ANO1: variants seen among roughly 807,000 people sequenced by gnomAD.
ANO1 encodes anoctamin 1.
ANO1 carries 59 observed loss-of-function variants against 124.0 expected under a neutral mutation model. The ratio of observed to expected loss-of-function variants is 0.48; its 90% CI spans 0.39 to 0.59. The LOEUF (loss-of-function observed/expected upper bound fraction) is 0.59, where lower values mean the gene tolerates loss of function less well. ANO1 is among the 20% of genes least tolerant of loss of function. ANO1 has a pLI of 0.00. For missense variants in ANO1, 1,059 were observed against 1,328.0 expected (o/e 0.80, Z 3.15); for synonymous variants, 529 against 532.0 (o/e 0.99, Z 0.08).
chr11:70,044,029 G>A (rs1438044981), intron 1 of ANO1, among the ~76,000 whole-genome samples: 6 of 151,662 alleles, frequency 4.0e-5, no homozygotes, highest in Non-Finnish European at 7.4e-5. Flanking sequence ...GAAATAAAAT[G>A]TAATAGGACA....
intron 2 of ANO1, among the ~76,000 whole-genome samples, chr11:70,099,098 C>T (rs748021414): frequency 3.3e-5 from 5 of 152,130 alleles, no homozygotes; most frequent in Non-Finnish European, 5.9e-5. Flanking sequence ...ACCACCCCCA[C>T]GGCCGTGGCT....
chr11:70,134,406 G>T (rs79503773), intron 11 of ANO1, among the ~76,000 whole-genome samples: 1 of 152,138 alleles, frequency 6.6e-6, no homozygotes, highest in Non-Finnish European at 1.5e-5. Flanking sequence ...TAGCGCCCCC[G>T]GGGCTCAGAC....
At chr11:70,007,850 A>T (rs1304474412) in intron 1 of ANO1, among the ~76,000 whole-genome samples, 1 of 152,170 alleles carries the variant, frequency 6.6e-6, no homozygotes, top group African/African-American at 2.4e-5. Context: ...ATTACTTTAC[A>T]TTCCCACCTC....
rs142149311 is a variant in ANO1 at position 70,105,631 on chromosome 11, G to A, written c.693-103G>A. ...GCGGACAGAGTTCTGTCCATTTCAC[G>A]GTCACGGCTAATGGGGACAGTGTGG... On this transcript the variant is annotated intron_variant, in intron 4 of 25. Coordinates refer to ENST00000355303, the MANE Select transcript of ANO1 (RefSeq NM_018043.7). The A allele has an allele frequency of 4.0e-3, 4,334 of 1,085,360 alleles. 28 individuals are homozygous for A. The highest frequency in any genetic ancestry group is 4.7e-3 in the Non-Finnish European group (3,330 of 709,624). The allele number at this position is 1,085,360 out of a possible 1,614,324, so 67.2% of individuals were successfully genotyped here.
intron 2 of ANO1, among the ~76,000 whole-genome samples, chr11:70,101,353 C>T (rs778876348): frequency 5.3e-5 from 8 of 151,644 alleles, no homozygotes; most frequent in Non-Finnish European, 8.8e-5. Flanking sequence ...GTCAGGAGTT[C>T]CAGACCAGCC....
At chr11:70,030,924 A>T (rs373137116) in intron 1 of ANO1, among the ~76,000 whole-genome samples, 2 of 152,086 alleles carry the variant, frequency 1.3e-5, no homozygotes, top group Non-Finnish European at 2.9e-5. Flanking sequence ...ACGAGGTTCA[A>T]TGTGATGTGG....
At chr11:70,070,696 A>G (rs1439130493) in intron 1 of ANO1, among the ~76,000 whole-genome samples, 1 of 152,208 alleles carries the variant, frequency 6.6e-6, no homozygotes, top group Non-Finnish European at 1.5e-5. Flanking sequence ...TTGTGAGTGC[A>G]TGGTGAGTGG....
At chr11:70,165,716 AAGGTGG>A in intron 20 of ANO1, 146 bp downstream of exon 20, 1 of 692,654 alleles carries the variant, frequency 1.4e-6, no homozygotes. Flanking sequence ...ACACAGAGGG[AAGGTGG>A]GGCAAAAGCC....
chr11:70,060,322 G>A (rs1348582401), intron 1 of ANO1, among the ~76,000 whole-genome samples: 5 of 152,200 alleles, frequency 3.3e-5, no homozygotes, highest in African/African-American at 4.8e-5. Flanking sequence ...TGTGGGACAC[G>A]ACAGCATATC....
At chr11:70,114,040 A>G (rs1263055050) in intron 7 of ANO1, among the ~76,000 whole-genome samples, 2 of 152,350 alleles carry the variant, frequency 1.3e-5, no homozygotes, top group East Asian at 3.9e-4. Context: ...TGACTGGCGC[A>G]AAACTCCCTC....
chr11:70,116,467 A>G lies in ANO1; in HGVS notation c.865A>G (p.Asn289Asp), dbSNP rs750332523. Residue 289 changes from asparagine to aspartate, a missense_variant, in exon 8 of 26, where the codon AAC becomes GAC. Asn to Asp is a conservative substitution (Grantham distance 23, BLOSUM62 1). Transcript: ENST00000355303. ...AAYPLHDGDY[N>D]GENVEFNDRK... Reference sequence around the variant, plus strand: ...CCTCTTTTTTTAACAGGGAGACTACAACGGTGAAAACGTCGAGTTCAACGA... The same window carrying G: ...CCTCTTTTTTTAACAGGGAGACTACGACGGTGAAAACGTCGAGTTCAACGA... The G allele has an allele frequency of 3.8e-5, 61 of 1,599,088 alleles. No homozygotes were observed. In the Admixed American group the frequency reaches 1.1e-3, roughly 28 times the overall value.
intron 21 of ANO1, among the ~76,000 whole-genome samples, chr11:70,168,717 G>A (rs1473038444): frequency 1.3e-5 from 2 of 152,182 alleles, no homozygotes; most frequent in Admixed American, 6.5e-5. Flanking sequence ...CTGGTCTGCT[G>A]GAGGTGAGAC....
chr11:70,024,989 G>A (rs1856866875), intron 1 of ANO1, among the ~76,000 whole-genome samples: 1 of 152,232 alleles, frequency 6.6e-6, no homozygotes, highest in South Asian at 2.1e-4. Context: ...GTGCTGAAAT[G>A]CTGGGCTCCA....
Position 70,078,412 on chromosome 11 carries a change from T to G in ANO1, c.-195T>G. On this transcript the variant is annotated 5_prime_UTR_variant, in exon 1 of 26. Coordinates refer to ENST00000355303, the MANE Select transcript of ANO1 (RefSeq NM_018043.7). ...CCGAGAGGCTCAGGCGCCCCCCGCA[T>G]CGAGCGCGCGGGCCGGGCGGGCCAG... 6.7e-6 allele frequency: 1 copy of G among 149,502 alleles called. No homozygotes were observed. The highest frequency in any genetic ancestry group is 1.4e-5 in the Non-Finnish European group (1 of 69,044). 9.3% of individuals were successfully genotyped at this position (149,502 alleles called of 1,614,324 possible). A position where few individuals can be genotyped will look rare whatever the true frequency, so the allele number is the denominator to read the frequency against.
intron 8 of ANO1, among the ~76,000 whole-genome samples, chr11:70,120,249 T>A (rs915624605): frequency 1.3e-5 from 2 of 151,198 alleles, no homozygotes; most frequent in African/African-American, 4.9e-5. Context: ...GCCATCACTC[T>A]TGGCCTGATC....
intron 1 of ANO1, among the ~76,000 whole-genome samples, chr11:69,991,772 G>C: frequency 6.6e-6 from 1 of 152,202 alleles, no homozygotes; most frequent in East Asian, 1.9e-4. Context: ...GTAGCCATAG[G>C]ACCAGAAGGT....
chr11:70,075,741 C>A (rs536541462), upstream of ANO1, among the ~76,000 whole-genome samples: 1 of 152,102 alleles, frequency 6.6e-6, no homozygotes, highest in Admixed American at 6.5e-5. Flanking sequence ...TATGGAGAGC[C>A]CCCACGTATA....
At chr11:70,095,022 A>G (rs1464036306) in intron 2 of ANO1, among the ~76,000 whole-genome samples, 2 of 152,080 alleles carry the variant, frequency 1.3e-5, no homozygotes, top group African/African-American at 4.8e-5. Flanking sequence ...GCTTGGCCAC[A>G]TAGCGAAACC....
chr11:70,076,841 C>G (rs1037582565), upstream of ANO1, among the ~76,000 whole-genome samples: 3 of 152,228 alleles, frequency 2.0e-5, no homozygotes, highest in African/African-American at 7.2e-5. Flanking sequence ...GAGAGTCTCA[C>G]TGAGGCACCA....
Sources: gnomAD v4.1 joint callset for allele counts (sites outside exome capture counted in the v4.1 genomes callset) on GRCh38, gnomAD v4.1.1 for gene constraint, MANE v1.5 for transcripts, NCBI Gene and HGNC (gene_info 2026-07-23, HGNC 2026-07-21) for gene names.